WDPCP: variants seen among roughly 807,000 people sequenced by gnomAD.
The protein encoded by WDPCP is WD repeat-containing and planar cell polarity effector protein fritz homolog.
In WDPCP, 71 loss-of-function variants were observed where a neutral mutation model predicts 93.1. The observed-to-expected ratio is 0.76, with a 90% CI of 0.63 to 0.93. WDPCP has a LOEUF of 0.93. Ranked by LOEUF, WDPCP falls within the 40% of genes least tolerant of loss-of-function variation. The probability of loss-of-function intolerance (pLI) is 0.00; values close to 1 mark genes in which losing one functional copy is unlikely to be tolerated. For synonymous variants in WDPCP, 315 were observed against 315.0 expected (o/e 1.00, Z 0.00); for missense variants, 844 against 887.4 (o/e 0.95, Z 0.62).
At chr2:63,236,773 C>A (rs1400031920) in intron 14 of WDPCP, among the ~76,000 whole-genome samples, 1 of 152,052 alleles carries the variant, frequency 6.6e-6, no homozygotes, top group Admixed American at 6.6e-5. Context: ...ATAGGCTAGC[C>A]ATATGCAGAA....
chr2:63,528,920 G>A (rs891455474), intron 1 of WDPCP, among the ~76,000 whole-genome samples: 14 of 152,088 alleles, frequency 9.2e-5, no homozygotes, highest in Non-Finnish European at 1.9e-4. Context: ...TCCTTGAAGA[G>A]GTTCTTCACA....
Position 63,484,996 on chromosome 2 carries a change from T to C in WDPCP, c.254-9A>G. The C allele has an allele frequency of 6.2e-7, 1 of 1,612,364 alleles. No homozygotes were observed. Among genetic ancestry groups the C allele is most frequent in the Non-Finnish European group, 8.5e-7 (1 of 1,178,848 alleles). ...CCAAGGATAATCTCGTGCTGGCAAA[T>C]AAAACATGTACTACAGTTAGTTAAA... On this transcript the variant is annotated splice_polypyrimidine_tract_variant and intron_variant, in intron 4 of 17. Transcript: ENST00000272321.
At chr2:63,317,027 T>C (rs181657614) in intron 12 of WDPCP, among the ~76,000 whole-genome samples, 5 of 152,242 alleles carry the variant, frequency 3.3e-5, no homozygotes, top group Admixed American at 3.3e-4. Flanking sequence ...TACAAAACAC[T>C]GTGGAAAGAA....
At chr2:63,178,198 T>G (rs1380774436) in intron 14 of WDPCP, among the ~76,000 whole-genome samples, 1 of 152,220 alleles carries the variant, frequency 6.6e-6, no homozygotes, top group Admixed American at 6.5e-5. Context: ...TTCATCTGGC[T>G]TTGTTACTAG....
At chr2:63,817,385 G>A (rs1355263539) in intron 1 of WDPCP, among the ~76,000 whole-genome samples, 8 of 152,158 alleles carry the variant, frequency 5.3e-5, no homozygotes, top group African/African-American at 1.9e-4. Context: ...TGAGATTACA[G>A]GAGTGAGCCA....
At chr2:63,367,092 T>A (rs1690971790) in intron 12 of WDPCP, among the ~76,000 whole-genome samples, 1 of 151,124 alleles carries the variant, frequency 6.6e-6, no homozygotes, top group Admixed American at 6.6e-5. Context: ...TATGCAATCA[T>A]CATTTGTAAA....
intron 1 of WDPCP, among the ~76,000 whole-genome samples, chr2:63,523,433 A>G (rs912539030): frequency 6.6e-6 from 1 of 152,230 alleles, no homozygotes; most frequent in Non-Finnish European, 1.5e-5. Flanking sequence ...TATTAAACAT[A>G]GCAATGGAAG....
intron 10 of WDPCP, among the ~76,000 whole-genome samples, chr2:63,385,913 C>T (rs1692694209): frequency 6.6e-6 from 1 of 152,018 alleles, no homozygotes; most frequent in African/African-American, 2.4e-5. Flanking sequence ...GCTTAAGGTA[C>T]AGACATTTAA....
intron 13 of WDPCP, among the ~76,000 whole-genome samples, chr2:63,270,166 GTCTT>G (rs1367531119): frequency 6.6e-6 from 1 of 152,108 alleles, no homozygotes; most frequent in African/African-American, 2.4e-5. Context: ...ATGTTCCACA[GTCTT>G]TCTTGTATTA....
At position 63,313,414 on chromosome 2, in the gene WDPCP, G is replaced by T. The variant is rs1044786436; in HGVS notation, c.1749-103C>A. 4.3e-6 allele frequency: 5 copies of T among 1,161,482 alleles called. No individual in the cohort carries two copies. In the African/African-American group the frequency reaches 4.6e-5, roughly 11 times the overall value. The allele number at this position is 1,161,482 out of a possible 1,614,324, so 71.9% of individuals were successfully genotyped here. A position where few individuals can be genotyped will look rare whatever the true frequency, so the allele number is the denominator to read the frequency against. ...TCTGTGATACTGTTTTTGTCCTTCT[G>T]ATTGGAAAAATATTTTCAAACAGAA... On this transcript the variant is annotated intron_variant, in intron 12 of 17. Transcript: ENST00000272321.
At chr2:63,550,780 TAC>T (rs1705569338) in intron 1 of WDPCP, among the ~76,000 whole-genome samples, 2 of 80,306 alleles carry the variant, frequency 2.5e-5, no homozygotes, top group African/African-American at 1.3e-4. Context: ...TGTGCATATG[TAC>T]ATATATATGT....
intron 13 of WDPCP, among the ~76,000 whole-genome samples, chr2:63,286,575 C>G (rs753320923): frequency 6.6e-6 from 1 of 152,182 alleles, no homozygotes; most frequent in Admixed American, 6.5e-5. Context: ...ACTCTCTTTT[C>G]GGACTCAGCC....
chr2:63,351,282 C>G (rs181641502), intron 12 of WDPCP, among the ~76,000 whole-genome samples: 1 of 152,138 alleles, frequency 6.6e-6, no homozygotes, highest in African/African-American at 2.4e-5. Context: ...GTGCTCGGCT[C>G]AACTTTTATT....
At chr2:63,446,364 G>A (rs1697867065) in intron 6 of WDPCP, among the ~76,000 whole-genome samples, 1 of 152,152 alleles carries the variant, frequency 6.6e-6, no homozygotes, top group East Asian at 1.9e-4. Flanking sequence ...TCTCAACTGG[G>A]GATGATTTTG....
intron 1 of WDPCP, among the ~76,000 whole-genome samples, chr2:63,535,066 A>T (rs1366482738): frequency 6.6e-6 from 1 of 152,186 alleles, no homozygotes; most frequent in Non-Finnish European, 1.5e-5. Flanking sequence ...ATACACCAAT[A>T]ATAGACAAAC....
intron 9 of WDPCP, among the ~76,000 whole-genome samples, chr2:63,426,302 AC>A (rs1302167630): frequency 6.6e-6 from 1 of 152,166 alleles, no homozygotes; most frequent in Non-Finnish European, 1.5e-5. Context: ...AGATCACATC[AC>A]TGCACTCCAG....
chr2:63,823,795 T>C (rs1671066174), intron 1 of WDPCP, among the ~76,000 whole-genome samples: 1 of 152,060 alleles, frequency 6.6e-6, no homozygotes, highest in African/African-American at 2.4e-5. Flanking sequence ...AAGAAACAGA[T>C]AAATGTGAAC....
intron 14 of WDPCP, among the ~76,000 whole-genome samples, chr2:63,241,244 A>G (rs1679834328): frequency 6.6e-6 from 1 of 152,212 alleles, no homozygotes. Flanking sequence ...TAATTATGAA[A>G]TATTTAGGAT....
At chr2:63,737,501 A>G (rs935172547) in intron 2 of WDPCP, among the ~76,000 whole-genome samples, 1 of 152,164 alleles carries the variant, frequency 6.6e-6, no homozygotes, top group African/African-American at 2.4e-5. Flanking sequence ...GCTAGAAGCA[A>G]CCTGAGTGGC....
Sources: gnomAD v4.1 joint callset for allele counts (sites outside exome capture counted in the v4.1 genomes callset) on GRCh38, gnomAD v4.1.1 for gene constraint, MANE v1.5 for transcripts, NCBI Gene and HGNC (gene_info 2026-07-23, HGNC 2026-07-21) for gene names.